Variants in SGCD observed in about 807,000 individuals in gnomAD.
SGCD encodes the protein sarcoglycan delta.
SGCD carries 18 observed loss-of-function variants against 36.6 expected under a neutral mutation model. The ratio of observed to expected loss-of-function variants is 0.49; its 90% confidence interval spans 0.34 to 0.73. SGCD has a LOEUF of 0.73. Among genes scored for constraint, SGCD ranks in the 30% least tolerant of loss-of-function variants. The probability of loss-of-function intolerance (pLI) is 0.01; values close to 1 mark genes in which losing one functional copy is unlikely to be tolerated. For synonymous variants in SGCD, 133 were observed against 130.6 expected (o/e 1.02, Z -0.12); for missense variants, 387 against 346.7 (o/e 1.12, Z -0.92).
At chr5:156,312,301 C>G (rs1483166490) in intron 3 of SGCD, among the ~76,000 whole-genome samples, 1 of 152,148 alleles carries the variant, frequency 6.6e-6, no homozygotes, top group East Asian at 1.9e-4. Context: ...CCAGCTTTTT[C>G]CCTTCTACCA....
chr5:156,370,758 T>G (rs1378838457), intron 3 of SGCD, among the ~76,000 whole-genome samples: 1 of 152,152 alleles, frequency 6.6e-6, no homozygotes, highest in Non-Finnish European at 1.5e-5. Flanking sequence ...AGAGATCATT[T>G]CATGACATTA....
rs552602145 is a variant in SGCD at position 156,275,047 on chromosome 5, AT to A, written c.-43-54485del. ...TTCTTTAGGTGGGAGAAATGTTCTG[AT>A]TGTTAAAGGTTGACAACTAATTTAA... On this transcript the variant is annotated intron_variant, in intron 3 of 9. Coordinates refer to the SGCD transcript ENST00000517913. 2.8e-3 allele frequency among the ~76,000 whole-genome samples: 432 copies of A among 152,300 alleles called. 2 individuals carry two copies. The highest frequency in any genetic ancestry group is 8.9e-3 in the African/African-American group (371 of 41,580).
chr5:155,828,615 G>C, the SGCD span, among the ~76,000 whole-genome samples: 5 of 151,986 alleles, frequency 3.3e-5, no homozygotes, highest in Admixed American at 3.3e-4. Flanking sequence ...TTCTGATGTT[G>C]AAAAACTCTC....
chr5:156,472,245 A>G (rs1755003566), intron 3 of SGCD, among the ~76,000 whole-genome samples: 1 of 152,202 alleles, frequency 6.6e-6, no homozygotes, highest in Non-Finnish European at 1.5e-5. Flanking sequence ...CCAGCAGCTA[A>G]AAGAAATGAA....
At chr5:156,345,869 T>G (rs569869874) in intron 3 of SGCD, among the ~76,000 whole-genome samples, 1 of 152,200 alleles carries the variant, frequency 6.6e-6, no homozygotes, top group South Asian at 2.1e-4. Flanking sequence ...ATCCTATGCA[T>G]AGTCACACTT....
intron 3 of SGCD, among the ~76,000 whole-genome samples, chr5:156,423,640 G>A (rs986372221): frequency 6.6e-6 from 1 of 151,222 alleles, no homozygotes; most frequent in African/African-American, 2.4e-5. Context: ...ATGTTAAACG[G>A]AAGGAGGGAG....
At chr5:156,382,559 A>T (rs1771043427) in intron 3 of SGCD, among the ~76,000 whole-genome samples, 1 of 152,202 alleles carries the variant, frequency 6.6e-6, no homozygotes, top group Non-Finnish European at 1.5e-5. Context: ...CTTAAAAATT[A>T]TGGTTTTCAA....
At position 156,284,320 on chromosome 5, in the gene SGCD, G is replaced by T. The variant is rs553616763; in HGVS notation, c.-43-45214G>T. On this transcript the variant is annotated intron_variant, in intron 3 of 9. Coordinates refer to the SGCD transcript ENST00000517913. The stretch of plus-strand genomic sequence containing the variant: ...AGAGAGAATCCTCCCTAACTCATTT[G>T]ATGAGGCCAGCATCATCCTGATACC... Among the ~76,000 whole-genome samples the T allele has an allele frequency of 1.1e-3, 171 of 152,148 alleles. 1 individual carries two copies. Among genetic ancestry groups the T allele is most frequent in the African/African-American group, 3.9e-3 (160 of 41,522 alleles).
At chr5:156,722,291 C>G (rs1229555442) in intron 7 of SGCD, among the ~76,000 whole-genome samples, 2 of 152,096 alleles carry the variant, frequency 1.3e-5, no homozygotes, top group African/African-American at 4.8e-5. Context: ...AACAGAGTAG[C>G]AAAGACAAAT....
At chr5:155,813,397 A>G in the SGCD span, among the ~76,000 whole-genome samples, 15 of 152,308 alleles carry the variant, frequency 9.8e-5, no homozygotes, top group African/African-American at 3.1e-4. Flanking sequence ...GCATGAAAAG[A>G]AAAGGCCTGC....
At chr5:156,351,418 C>G (rs769141578) in intron 3 of SGCD, among the ~76,000 whole-genome samples, 12 of 152,088 alleles carry the variant, frequency 7.9e-5, no homozygotes, top group Non-Finnish European at 1.6e-4. Context: ...AAGTAAAAAT[C>G]TGGATTCTGT....
chr5:155,750,364 A>G, the SGCD span, among the ~76,000 whole-genome samples: 1 of 152,208 alleles, frequency 6.6e-6, no homozygotes, highest in South Asian at 2.1e-4. Flanking sequence ...GCATCTTGTC[A>G]TTCCATAGGG....
intron 1 of SGCD, among the ~76,000 whole-genome samples, chr5:156,097,162 T>C (rs1272885117): frequency 6.6e-6 from 1 of 152,130 alleles, no homozygotes; most frequent in Non-Finnish European, 1.5e-5. Flanking sequence ...CATGTTTAAT[T>C]ATTATATGTT....
chr5:155,977,757 GA>G (rs1188525032), intron 1 of SGCD, among the ~76,000 whole-genome samples: 8 of 152,172 alleles, frequency 5.3e-5, no homozygotes, highest in Non-Finnish European at 7.4e-5. Flanking sequence ...TGAGGAACTG[GA>G]AGGTCATGGT....
chr5:156,325,004 T>G (rs1249803685), upstream of SGCD, among the ~76,000 whole-genome samples: 1 of 152,194 alleles, frequency 6.6e-6, no homozygotes, highest in Admixed American at 6.5e-5. Context: ...GTCTTCTATT[T>G]ATAGAATGAT....
intron 1 of SGCD, among the ~76,000 whole-genome samples, chr5:156,094,278 G>A (rs1260127696): frequency 6.6e-6 from 1 of 152,150 alleles, no homozygotes; most frequent in Non-Finnish European, 1.5e-5. Flanking sequence ...TGCAGCTGCA[G>A]GAACAGTCAC....
At position 156,052,188 on chromosome 5, in the gene SGCD, G is replaced by C. The variant is rs993870769; in HGVS notation, c.-281-65690G>C. On this transcript the variant is annotated intron_variant, in intron 1 of 9. Coordinates refer to the SGCD transcript ENST00000517913. Reference sequence around the variant, plus strand: ...GGCCAGGCTGCCCTCTGCTGCAAATGTCGTGAACTTCCTGAGGCTCCACCT... The same window carrying C: ...GGCCAGGCTGCCCTCTGCTGCAAATCTCGTGAACTTCCTGAGGCTCCACCT... Among the ~76,000 whole-genome samples the C allele has an allele frequency of 1.4e-5, 2 of 146,214 alleles. 1 individual carries two copies. Among genetic ancestry groups the C allele is most frequent in the Non-Finnish European group, 3.1e-5 (2 of 64,842 alleles).
chr5:156,527,593 T>C (rs1368839601), intron 4 of SGCD, among the ~76,000 whole-genome samples: 1 of 152,242 alleles, frequency 6.6e-6, no homozygotes, highest in Non-Finnish European at 1.5e-5. Flanking sequence ...TTACTTCTCT[T>C]CATGTCTCAG....
chr5:156,595,187 T>G, intron 6 of SGCD, 136 bp downstream of exon 6: 2 of 1,059,006 alleles, frequency 1.9e-6, no homozygotes, highest in Non-Finnish European at 2.7e-6. Context: ...ATAATGGTAT[T>G]AGGAGGTGGA....
Sources: allele counts gnomAD v4.1 joint callset (sites outside exome capture counted in the v4.1 genomes callset), GRCh38; gene constraint gnomAD v4.1.1; transcripts MANE v1.5; gene names NCBI Gene and HGNC (gene_info 2026-07-23, HGNC 2026-07-21).